ERBIN: variants seen among roughly 807,000 people sequenced by gnomAD.
ERBIN encodes the protein erbb2 interacting protein.
ERBIN carries 60 observed loss-of-function variants against 158.4 expected under a neutral mutation model. That is an observed-to-expected ratio of 0.38 (90% CI 0.31 to 0.47). The LOEUF is 0.47. Ranked by LOEUF, ERBIN falls within the 20% of genes least tolerant of loss-of-function variation. The pLI, the probability that ERBIN is intolerant of heterozygous loss-of-function variation, is 0.99. For synonymous variants in ERBIN, 594 were observed against 557.2 expected (o/e 1.07, Z -0.93); for missense variants, 1,610 against 1,648.0 (o/e 0.98, Z 0.40).
chr5:66,020,466 A>G (rs114745117), intron 7 of ERBIN, among the ~76,000 whole-genome samples: 2,213 of 152,128 alleles, frequency 0.015, 26 homozygotes, highest in Non-Finnish European at 0.022. Flanking sequence ...GATTATAACT[A>G]TATTTTGCTC....
At chr5:66,023,101 G>A (rs974838185) in intron 8 of ERBIN, 189 bp from the exon 9 acceptor site, 8 of 441,666 alleles carry the variant, frequency 1.8e-5, no homozygotes, top group East Asian at 3.7e-5. Context: ...TAATTTTACT[G>A]TAGTAACTAT....
At chr5:66,029,397 C>T (rs1422194316) in intron 14 of ERBIN, among the ~76,000 whole-genome samples, 2 of 152,206 alleles carry the variant, frequency 1.3e-5, no homozygotes, top group East Asian at 3.9e-4. Flanking sequence ...GTTGGGTACA[C>T]TGGTCTCATA....
At chr5:66,000,592 A>G (rs535494255) in intron 4 of ERBIN, among the ~76,000 whole-genome samples, 97 of 152,310 alleles carry the variant, frequency 6.4e-4, no homozygotes, top group African/African-American at 2.2e-3. Context: ...TCAAGGAGGA[A>G]TGACGTTACT....
At position 66,021,340 on chromosome 5, in the gene ERBIN, C is replaced by T; in HGVS notation, c.552C>T (p.Thr184=). The change falls in exon 8 of 26, where the codon ACC becomes ACT. Residue 184 remains threonine (T), a synonymous_variant. Transcript: ENST00000284037. ...KMLPKTMNRL[T]QLERLDLGSN... is the part of the protein sequence containing the mutation. ...TGAACAGAACTATGAATAGACTGAC[C>T]CAGCTGGAAAGACTGGATTTGGGAA... The T allele has an allele frequency of 3.7e-6, 6 of 1,601,622 alleles. No individual in the cohort carries two copies. Among genetic ancestry groups the T allele is most frequent in the Non-Finnish European group, 5.1e-6 (6 of 1,171,686 alleles).
At chr5:66,021,507 A>T (rs1238951257) in intron 8 of ERBIN, 122 bp downstream of exon 8, 1 of 628,992 alleles carries the variant, frequency 1.6e-6, no homozygotes, top group Non-Finnish European at 2.5e-6. Flanking sequence ...TAGTTACAAG[A>T]TATGAAATTT....
chr5:66,040,551 T>C (rs1449511905), intron 15 of ERBIN, among the ~76,000 whole-genome samples: 2 of 151,868 alleles, frequency 1.3e-5, no homozygotes, highest in African/African-American at 4.8e-5. Flanking sequence ...CATCTTAGAG[T>C]TCATGTGTCA....
At chr5:65,965,070 C>T (rs1361816539) in intron 1 of ERBIN, among the ~76,000 whole-genome samples, 1 of 151,300 alleles carries the variant, frequency 6.6e-6, no homozygotes, top group Non-Finnish European at 1.5e-5. Context: ...GGATTACAGG[C>T]ATGAGCCCCT....
intron 21 of ERBIN, among the ~76,000 whole-genome samples, chr5:66,071,393 T>G (rs763358433): frequency 9.9e-5 from 15 of 151,486 alleles, no homozygotes; most frequent in Non-Finnish European, 1.8e-4. Flanking sequence ...AAGAAAGAAA[T>G]ATTCAGGGGT....
At chr5:65,983,974 C>T (rs61730936) in intron 1 of ERBIN, among the ~76,000 whole-genome samples, 9,729 of 152,216 alleles carry the variant, frequency 0.064, 403 homozygotes, top group Middle Eastern at 0.1. Flanking sequence ...AGTGCACACC[C>T]GGGAACCACT....
At chr5:66,038,327 G>T in intron 14 of ERBIN, 56 bp from the exon 15 acceptor site, 1 of 1,166,956 alleles carries the variant, frequency 8.6e-7, no homozygotes, top group South Asian at 1.4e-5. Context: ...AGGAATTGCT[G>T]AATATATATT....
At chr5:65,989,072 T>C (rs565886136) in intron 2 of ERBIN, among the ~76,000 whole-genome samples, 1 of 140,848 alleles carries the variant, frequency 7.1e-6, no homozygotes, top group African/African-American at 2.6e-5. Flanking sequence ...GATTCTTATG[T>C]CTACAGTGTT....
chr5:65,971,660 T>G (rs577752104), intron 1 of ERBIN, among the ~76,000 whole-genome samples: 1 of 152,348 alleles, frequency 6.6e-6, no homozygotes, highest in South Asian at 2.1e-4. Context: ...ATTTTATATT[T>G]TATTTTTCTC....
intron 1 of ERBIN, among the ~76,000 whole-genome samples, chr5:65,935,265 C>A (rs1743938995): frequency 6.6e-6 from 1 of 152,010 alleles, no homozygotes; most frequent in African/African-American, 2.4e-5. Flanking sequence ...TGGGTTTATC[C>A]AGATGTAAAC....
chr5:66,046,573 GA>G (rs777365255), intron 18 of ERBIN, 35 bp downstream of exon 18: 22 of 1,436,814 alleles, frequency 1.5e-5, no homozygotes, highest in Non-Finnish European at 2.0e-5. Flanking sequence ...GCAACTATAA[GA>G]ACTTTCAATT....
chr5:66,028,876 A>G (rs943845625), intron 14 of ERBIN, among the ~76,000 whole-genome samples: 2 of 152,310 alleles, frequency 1.3e-5, no homozygotes, highest in Middle Eastern at 3.4e-3. Context: ...GATTCCTCAT[A>G]TAAGTGAAGA....
At position 65,967,181 on chromosome 5, in the gene ERBIN, A is replaced by C. The variant is rs529871589; in HGVS notation, c.-57-21454A>C. On this transcript the variant is annotated intron_variant, in intron 1 of 25. Coordinates refer to ENST00000284037, the MANE Select transcript of ERBIN (RefSeq NM_001253697.2). ...ACACCATGTTATTACAAAAGTTAAG[A>C]TTTTTTTAAAAAGAAAAAGTTTATA... is the stretch of plus-strand genomic sequence containing the variant. Among the ~76,000 whole-genome samples, 331 of 152,224 alleles carry C rather than the reference A, an allele frequency of 2.2e-3. 1 individual carries two copies. The highest frequency in any genetic ancestry group is 7.6e-3 in the African/African-American group (314 of 41,544).
intron 1 of ERBIN, among the ~76,000 whole-genome samples, chr5:65,932,300 C>T (rs1743524850): frequency 6.8e-6 from 1 of 147,110 alleles, no homozygotes; most frequent in South Asian, 2.2e-4. Flanking sequence ...GATCGCGCCA[C>T]TGCATTCCAG....
Position 65,992,941 on chromosome 5 carries a change from G to T in ERBIN, c.189+34G>T. The T allele has an allele frequency of 7.0e-6, 10 of 1,435,168 alleles. No homozygotes were observed. The South Asian group carries it at 8.7e-5, about 12-fold the overall frequency. The allele number at this position is 1,435,168 out of a possible 1,614,324, so 88.9% of individuals were successfully genotyped here. A position where few individuals can be genotyped will look rare whatever the true frequency, so the allele number is the denominator to read the frequency against. ...ATACTTTCTTTCAAGAATTATCTTT[G>T]GTTATTTTTATATCTAGAAATATGA... On this transcript the variant is annotated intron_variant, in intron 3 of 25. Coordinates refer to ENST00000284037, the MANE Select transcript of ERBIN (RefSeq NM_001253697.2).
chr5:65,963,586 G>A (rs1199500580), intron 1 of ERBIN, among the ~76,000 whole-genome samples: 1 of 151,666 alleles, frequency 6.6e-6, no homozygotes, highest in African/African-American at 2.4e-5. Flanking sequence ...CAACAAGAGC[G>A]AAACTCCATC....
Sources: gnomAD v4.1 joint callset for allele counts (sites outside exome capture counted in the v4.1 genomes callset) on GRCh38, gnomAD v4.1.1 for gene constraint, MANE v1.5 for transcripts, NCBI Gene and HGNC (gene_info 2026-07-23, HGNC 2026-07-21) for gene names.